PDE1A: variants seen among roughly 807,000 people sequenced by gnomAD.
PDE1A encodes the protein dual specificity calcium/calmodulin-dependent 3',5'-cyclic nucleotide phosphodiesterase 1A.
PDE1A carries 35 observed loss-of-function variants against 61.7 expected under a neutral mutation model. That is an observed-to-expected ratio of 0.57 (90% CI 0.43 to 0.75). PDE1A has a LOEUF of 0.75. Ranked by LOEUF, PDE1A falls within the 30% of genes least tolerant of loss-of-function variation. PDE1A has a pLI of 0.00. For synonymous variants in PDE1A, 232 were observed against 213.2 expected (o/e 1.09, Z -0.77); for missense variants, 597 against 630.6 (o/e 0.95, Z 0.57).
chr2:182,142,123 AACACACACAC>A (rs59139983), downstream of PDE1A: 5 of 146,300 alleles, frequency 3.4e-5, no homozygotes, highest in African/African-American at 1.3e-4. Context: ...GACATTTTTG[AACACACACAC>A]ACACACACAC....
chr2:182,449,630 C>A lies in PDE1A; in HGVS notation c.101+72646G>T, dbSNP rs571789986. Among the ~76,000 whole-genome samples the A allele has an allele frequency of 3.9e-4, 59 of 152,160 alleles. No homozygotes were observed. The South Asian group carries it at 6.4e-3, about 17-fold the overall frequency. ...CATTTTCTGAGAGACACTAAACATT[C>A]ACTCTTTGGCATTTTTACCTTTATT... is the stretch of plus-strand genomic sequence containing the variant. On this transcript the variant is annotated intron_variant, in intron 2 of 14. Coordinates refer to the PDE1A transcript ENST00000410103.
chr2:182,595,085 G>C, the PDE1A span, among the ~76,000 whole-genome samples: 2 of 152,072 alleles, frequency 1.3e-5, no homozygotes, highest in African/African-American at 4.8e-5. Flanking sequence ...AAAAGAAATG[G>C]ACGATAAAGA....
intron 11 of PDE1A, 148 bp from the exon 12 acceptor site, chr2:182,186,736 T>C: frequency 8.5e-6 from 6 of 707,620 alleles, no homozygotes; most frequent in Non-Finnish European, 1.4e-5. Context: ...CTTTGTATTG[T>C]TTTAATCTAA....
the PDE1A span, among the ~76,000 whole-genome samples, chr2:182,608,391 C>A: frequency 6.6e-6 from 1 of 152,230 alleles, no homozygotes; most frequent in Non-Finnish European, 1.5e-5. Flanking sequence ...CGCAGCTGCA[C>A]CGTGGGAGCC....
chr2:182,181,656 G>A lies in PDE1A; in HGVS notation c.1516+4236C>T, dbSNP rs376848490. On this transcript the variant is annotated intron_variant, in intron 13 of 13. Coordinates refer to ENST00000351439, the Ensembl canonical transcript of PDE1A. Reference sequence around the variant, plus strand: ...CCAGCAGACAGGAAAGATTAAATCCGCTGACCCTGCGACTGCAGCTGCCTC... The same window carrying A: ...CCAGCAGACAGGAAAGATTAAATCCACTGACCCTGCGACTGCAGCTGCCTC... 1.8e-4 allele frequency among the ~76,000 whole-genome samples: 27 copies of A among 152,280 alleles called. No individual in the cohort carries two copies. The East Asian group carries it at 1.9e-3, about 11-fold the overall frequency.
Position 182,327,104 on chromosome 2 carries a change from G to GAA in PDE1A, c.54-62691_54-62690insTT, listed in dbSNP as rs1559340555. ...TTCTTCTAGGTCCTGGGGACACTAT[G>GAA]GTATATAAAACAAAGTTCCTGTTTT... On this transcript the variant is annotated intron_variant, in intron 1 of 13. Coordinates refer to ENST00000351439, the Ensembl canonical transcript of PDE1A. Among the ~76,000 whole-genome samples the GAA allele has an allele frequency of 1.2e-4, 18 of 152,092 alleles. No homozygotes were observed. In the East Asian group the frequency reaches 2.7e-3, roughly 23 times the overall value.
chr2:182,497,094 C>T (rs2125903428), intron 2 of PDE1A, among the ~76,000 whole-genome samples: 1 of 152,180 alleles, frequency 6.6e-6, no homozygotes, highest in Non-Finnish European at 1.5e-5. Flanking sequence ...TATTGAAAAA[C>T]TTTAGTGCAT....
the PDE1A span, among the ~76,000 whole-genome samples, chr2:182,634,884 T>A: frequency 6.6e-6 from 1 of 152,236 alleles, no homozygotes; most frequent in East Asian, 1.9e-4. Flanking sequence ...GATTGGAACC[T>A]GTTCCAGAAA....
rs779097024 is a variant in PDE1A at position 182,401,239 on chromosome 2, A to C, written c.53+25339T>G. Among the ~76,000 whole-genome samples, 67 of 152,310 alleles carry C rather than the reference A, an allele frequency of 4.4e-4. No homozygotes were observed. The Middle Eastern group carries it at 0.014, about 31-fold the overall frequency. On this transcript the variant is annotated intron_variant, in intron 1 of 13. Coordinates refer to ENST00000351439, the Ensembl canonical transcript of PDE1A. ...CGACACAAAAAGAAAATTTTTGCCA[A>C]TATCCCTGATAAACATCGATGCGAA... is the stretch of plus-strand genomic sequence containing the variant.
At chr2:182,159,858 C>G (rs1205888413) in intron 13 of PDE1A, among the ~76,000 whole-genome samples, 3 of 152,070 alleles carry the variant, frequency 2.0e-5, no homozygotes, top group African/African-American at 7.2e-5. Context: ...GAGACTGAGG[C>G]AGGAGGATTT....
At chr2:182,646,297 A>T in the PDE1A span, among the ~76,000 whole-genome samples, 924 of 144,868 alleles carry the variant, frequency 6.4e-3, 10 homozygotes, top group African/African-American at 0.018. Context: ...AAAATACATT[A>T]AAAAAAAAAA....
the PDE1A span, among the ~76,000 whole-genome samples, chr2:182,591,484 G>A: frequency 3.1e-4 from 47 of 152,070 alleles, no homozygotes; most frequent in Non-Finnish European, 6.3e-4. Flanking sequence ...GCTACACATG[G>A]GACCAAATAG....
At chr2:182,322,556 T>A (rs916933484) in intron 1 of PDE1A, among the ~76,000 whole-genome samples, 14 of 152,348 alleles carry the variant, frequency 9.2e-5, no homozygotes, top group Non-Finnish European at 2.1e-4. Flanking sequence ...CCATTAAACC[T>A]CTTTTTCTTT....
the PDE1A span, among the ~76,000 whole-genome samples, chr2:182,679,742 G>T: frequency 6.6e-6 from 1 of 152,148 alleles, no homozygotes; most frequent in East Asian, 1.9e-4. Flanking sequence ...TCACAAAGAT[G>T]TCAGTTCTTT....
the PDE1A span, among the ~76,000 whole-genome samples, chr2:182,614,993 GAATA>G: frequency 1.3e-5 from 2 of 152,214 alleles, no homozygotes; most frequent in East Asian, 1.9e-4. Context: ...GATACTTTTA[GAATA>G]AATAATTCCT....
At chr2:182,410,664 A>G (rs1484579085) in intron 1 of PDE1A, among the ~76,000 whole-genome samples, 1 of 152,216 alleles carries the variant, frequency 6.6e-6, no homozygotes, top group Non-Finnish European at 1.5e-5. Flanking sequence ...AGATAATATA[A>G]TTACTTTCAT....
At chr2:182,461,950 T>A (rs1281603965) in intron 2 of PDE1A, among the ~76,000 whole-genome samples, 1 of 152,198 alleles carries the variant, frequency 6.6e-6, no homozygotes, top group Non-Finnish European at 1.5e-5. Flanking sequence ...TTGTGTCTTA[T>A]AGCTTTGATT....
chr2:182,536,668 A>C, the PDE1A span, among the ~76,000 whole-genome samples: 6 of 152,232 alleles, frequency 3.9e-5, no homozygotes, highest in African/African-American at 1.4e-4. Flanking sequence ...ATACCATTAC[A>C]CATGTTCTTA....
At chr2:182,545,357 A>G in the PDE1A span, among the ~76,000 whole-genome samples, 1 of 152,196 alleles carries the variant, frequency 6.6e-6, no homozygotes, top group Non-Finnish European at 1.5e-5. Flanking sequence ...AGCACTAGGA[A>G]TAGTAGCAGC....
Sources: gnomAD v4.1 joint callset for allele counts (sites outside exome capture counted in the v4.1 genomes callset) on GRCh38, gnomAD v4.1.1 for gene constraint, MANE v1.5 for transcripts, NCBI Gene and HGNC (gene_info 2026-07-23, HGNC 2026-07-21) for gene names.